Variants in RBFA observed in about 807,000 individuals in gnomAD.
The protein encoded by RBFA is ribosome binding factor A, also known as putative ribosome-binding factor A, mitochondrial.
Under a neutral mutation model 27.9 loss-of-function variants are expected in RBFA, and 16 were observed. The observed-to-expected ratio is 0.57, with a 90% CI of 0.39 to 0.87. The LOEUF (loss-of-function observed/expected upper bound fraction) is 0.87. RBFA is among the 40% of genes least tolerant of loss of function. RBFA has a pLI of 0.00. For synonymous variants in RBFA, 181 were observed against 181.0 expected (o/e 1.00, Z 0.00); for missense variants, 456 against 432.1 (o/e 1.06, Z -0.49).
At chr18:80,045,440 T>G (rs2052044594) in intron 6 of RBFA, among the ~76,000 whole-genome samples, 1 of 152,090 alleles carries the variant, frequency 6.6e-6, no homozygotes, top group African/African-American at 2.4e-5. Context: ...TTGGCCAGGC[T>G]GGTCTTGCAC....
chr18:80,042,628 AGGTGTGGT>A (rs1489273733), intron 5 of RBFA, among the ~76,000 whole-genome samples: 1 of 152,002 alleles, frequency 6.6e-6, no homozygotes, highest in African/African-American at 2.4e-5. Flanking sequence ...AAAATTAGCT[AGGTGTGGT>A]GGCGTGCGCC....
chr18:80,036,660 C>A lies in RBFA; in HGVS notation c.159-8C>A. The A allele has an allele frequency of 6.2e-7, 1 of 1,609,442 alleles. No individual in the cohort carries two copies. The highest frequency in any genetic ancestry group is 8.5e-7 in the Non-Finnish European group (1 of 1,176,644). On this transcript the variant is annotated splice_polypyrimidine_tract_variant and splice_region_variant and intron_variant, in intron 1 of 6. Transcript: ENST00000306735. ...ATCACTAACATAATGCTTATTTTCT[C>A]CCCAAAGAAAAAAGGTTTGGTATGA...
intron 2 of RBFA, 23 bp from the exon 3 acceptor site, chr18:80,037,307 G>A: frequency 6.2e-7 from 1 of 1,609,658 alleles, no homozygotes; most frequent in Non-Finnish European, 8.5e-7. Context: ...TGCCCTTGGG[G>A]TGTGCTCTTC....
chr18:80,045,949 A>C lies in RBFA; in HGVS notation c.826A>C (p.Lys276Gln), dbSNP rs3744873. 0.32 allele frequency: 514,616 copies of C among 1,613,644 alleles called. 85,903 individuals carry two copies. The highest frequency in any genetic ancestry group is 0.35 in the Non-Finnish European group (415,019 of 1,179,868). The change falls in exon 7 of 7, where the codon AAA (lysine) becomes CAA (glutamine). Residue 276 changes from lysine (K) to glutamine (Q), a missense_variant. Coordinates refer to ENST00000306735, the MANE Select transcript of RBFA (RefSeq NM_024805.3). ...GQVAELTTQM[K>Q]KGRKRAKPRL... ...GGTGGCTGAGCTGACAACGCAGATG[A>C]AAAAGGGAAGGAAGAGGGCCAAGCC...
intron 6 of RBFA, among the ~76,000 whole-genome samples, chr18:80,044,646 G>A (rs1023591318): frequency 2.0e-4 from 30 of 152,362 alleles, no homozygotes; most frequent in African/African-American, 4.1e-4. Context: ...AGGGGAGGCC[G>A]ACAGGAAGCA....
In RBFA at chr18:80,048,911, G is replaced by T. The variant is rs1405963978; in HGVS notation, c.*2756G>T. 6.7e-6 allele frequency among the ~76,000 whole-genome samples: 1 copy of T among 148,350 alleles called. No individual in the cohort carries two copies. Among genetic ancestry groups the T allele is most frequent in the Non-Finnish European group, 1.5e-5 (1 of 67,016 alleles). The stretch of plus-strand genomic sequence containing the variant: ...CTCAGTGCCTCCTAGAAAGTGGAGT[G>T]TGGGCACGTTTGCAGGGGATCCAAC... On this transcript the variant is annotated 3_prime_UTR_variant, in exon 7 of 7. Transcript: ENST00000306735.
At position 80,045,992 on chromosome 18, in the gene RBFA, G is replaced by A. The variant is rs1182832472; in HGVS notation, c.869G>A (p.Ser290Asn). ...GCCAAGCCCCGCCTGGAGCAGGACA[G>A]CTCCCTCAAGAGTTACCTGTCAGGC... Reference protein sequence around the residue: ...KRAKPRLEQDSSLKSYLSGEE... With the variant: ...KRAKPRLEQDNSLKSYLSGEE... Residue 290 changes from serine (S) to asparagine (N), a missense_variant, in exon 7 of 7, where the codon AGC (serine) becomes AAC (asparagine). Coordinates refer to ENST00000306735, the MANE Select transcript of RBFA (RefSeq NM_024805.3). 5.6e-6 allele frequency: 9 copies of A among 1,614,194 alleles called. No individual in the cohort carries two copies. Among genetic ancestry groups the A allele is most frequent in the Non-Finnish European group, 7.6e-6 (9 of 1,180,050 alleles).
intron 4 of RBFA, 158 bp from the exon 5 acceptor site, chr18:80,041,977 C>G (rs1377996747): frequency 3.2e-6 from 1 of 312,520 alleles, no homozygotes; most frequent in Non-Finnish European, 5.9e-6. Context: ...CCGCCCGCCT[C>G]GGCCTCCCAA....
rs1217177094 is a variant in RBFA, at chr18:80,046,688, C to T, written c.*533C>T. On this transcript the variant is annotated 3_prime_UTR_variant, in exon 7 of 7. Transcript: ENST00000306735. ...CCGTCCCTGACTGGCCTCTTCACAG[C>T]TTTGTGCAGCAGGCTCCACCTTCTG... 6.6e-6 allele frequency among the ~76,000 whole-genome samples: 1 copy of T among 152,238 alleles called. No homozygotes were observed. Among genetic ancestry groups the T allele is most frequent in the Non-Finnish European group, 1.5e-5 (1 of 68,040 alleles).
intron 6 of RBFA, among the ~76,000 whole-genome samples, 174 bp from the exon 7 acceptor site, chr18:80,045,600 A>G (rs1345636886): frequency 6.6e-6 from 1 of 152,098 alleles, no homozygotes; most frequent in Non-Finnish European, 1.5e-5. Flanking sequence ...GAGAAGGCGG[A>G]AACCAAAGCC....
intron 1 of RBFA, 146 bp from the exon 2 acceptor site, chr18:80,036,522 A>C (rs1232961772): frequency 2.0e-6 from 1 of 494,438 alleles, no homozygotes; most frequent in African/African-American, 1.9e-5. Flanking sequence ...TTATCAATTA[A>C]ATTCTGAAAT....
rs2051961777 is a variant in RBFA, at chr18:80,034,603, C to G, written c.108C>G (p.Cys36Trp). Residue 36 changes from cysteine to tryptophan, a missense_variant, in exon 1 of 7, where the codon TGC becomes TGG. By Grantham distance (215) the Cys-to-Trp change is radical (BLOSUM62 -2). Transcript: ENST00000306735. ...LFPGCERGLHCSAVSCKNWLK... is the reference protein window; with the variant it reads ...LFPGCERGLHWSAVSCKNWLK... Reference sequence around the variant, plus strand: ...CAGGCTGCGAGCGGGGACTTCACTGCTCTGCTGTCTCCTGCAAGAACTGGC... The same window carrying G: ...CAGGCTGCGAGCGGGGACTTCACTGGTCTGCTGTCTCCTGCAAGAACTGGC... The G allele has an allele frequency of 7.5e-6, 12 of 1,609,644 alleles. No homozygotes were observed. The highest frequency in any genetic ancestry group is 6.8e-6 in the Non-Finnish European group (8 of 1,179,048).
chr18:80,037,661 G>T (rs1599765917), intron 3 of RBFA, among the ~76,000 whole-genome samples, 155 bp downstream of exon 3: 1 of 152,178 alleles, frequency 6.6e-6, no homozygotes, highest in East Asian at 1.9e-4. Flanking sequence ...AGGCTGAGGC[G>T]GGCGGATCAC....
chr18:80,036,646 A>T (rs777333955), intron 1 of RBFA, 22 bp from the exon 2 acceptor site: 13 of 1,602,316 alleles, frequency 8.1e-6, no homozygotes, highest in Non-Finnish European at 1.1e-5. Flanking sequence ...TCACTAACAT[A>T]ATGCTTATTT....
chr18:80,037,706 A>G (rs567193063), intron 3 of RBFA, among the ~76,000 whole-genome samples, 200 bp downstream of exon 3: 1 of 152,248 alleles, frequency 6.6e-6, no homozygotes, highest in South Asian at 2.1e-4. Context: ...TGGCTAACAC[A>G]GTGAAATCCC....
Position 80,047,685 on chromosome 18 carries a change from A to G in RBFA, c.*1530A>G, listed in dbSNP as rs1048187249. Reference sequence around the variant, plus strand: ...GATAGACAAAACCCCACATGATGGTATGAGTAGGAGAGAGAAAAAAAAAAG... The same window carrying G: ...GATAGACAAAACCCCACATGATGGTGTGAGTAGGAGAGAGAAAAAAAAAAG... On this transcript the variant is annotated 3_prime_UTR_variant, in exon 7 of 7. Coordinates refer to ENST00000306735, the MANE Select transcript of RBFA (RefSeq NM_024805.3). Among the ~76,000 whole-genome samples, 1 of 133,532 alleles carries G rather than the reference A, an allele frequency of 7.5e-6. No individual in the cohort carries two copies. 87.6% of individuals were successfully genotyped at this position (133,532 alleles called of 152,430 possible).
chr18:80,035,421 C>G (rs1369231801), intron 1 of RBFA: 1 of 152,328 alleles, frequency 6.6e-6, no homozygotes, highest in Non-Finnish European at 1.5e-5. Flanking sequence ...GTTTTGATGG[C>G]TGTGCCAGTT....
rs2052083855 is a variant in RBFA at position 80,049,783 on chromosome 18, C to G, written c.*3628C>G. On this transcript the variant is annotated 3_prime_UTR_variant, in exon 7 of 7. Coordinates refer to ENST00000306735, the MANE Select transcript of RBFA (RefSeq NM_024805.3). ...GAGGTAGACAGGGGAACTTAATCAC[C>G]CCTTGTAGGCCCCCAGAAGACTGGA... Among the ~76,000 whole-genome samples, 1 of 152,188 alleles carries G rather than the reference C, an allele frequency of 6.6e-6. No individual in the cohort carries two copies. Among genetic ancestry groups the G allele is most frequent in the Non-Finnish European group, 1.5e-5 (1 of 68,032 alleles).
At chr18:80,036,153 A>G (rs1042989148) in intron 1 of RBFA, 1 of 152,432 alleles carries the variant, frequency 6.6e-6, no homozygotes, top group African/African-American at 2.4e-5. Flanking sequence ...TTGTGTAAAT[A>G]TGCACCTATA....
Sources: allele counts gnomAD v4.1 joint callset (sites outside exome capture counted in the v4.1 genomes callset), GRCh38; gene constraint gnomAD v4.1.1; transcripts MANE v1.5; gene names NCBI Gene and HGNC (gene_info 2026-07-23, HGNC 2026-07-21).